The following RPS7 variants were observed in gnomAD, a reference collection of about 807,000 sequenced individuals.
RPS7 encodes the protein small ribosomal subunit protein eS7.
A neutral mutation model predicts 22.1 loss-of-function variants in RPS7; 1 was observed. The observed-to-expected ratio is 0.05, with a 90% CI of 0.02 to 0.21. The LOEUF is 0.21. Among genes scored for constraint, RPS7 ranks in the 10% least tolerant of loss-of-function variants. The pLI, the probability that RPS7 is intolerant of heterozygous loss-of-function variation, is 1.00. For missense variants in RPS7, 137 were observed against 246.4 expected, an observed-to-expected ratio of 0.56 and a Z score of 2.97; for synonymous variants, 80 against 92.0, an observed-to-expected ratio of 0.87 and a Z score of 0.74.
At chr2:3,580,496 C>G in intron 6 of RPS7, 1 of 644,484 alleles carries the variant, frequency 1.6e-6, no homozygotes, top group Non-Finnish European at 2.8e-6. Flanking sequence ...TTTCTGTGGT[C>G]TTTTAGTTAG....
At chr2:3,580,560 G>A (rs992264761) in intron 6 of RPS7, 1 of 622,688 alleles carries the variant, frequency 1.6e-6, no homozygotes, top group African/African-American at 1.8e-5. Context: ...AGTGTCTTGG[G>A]GGGACATAAC....
At chr2:3,579,958 G>A (rs1012723103) in intron 5 of RPS7, 152 bp from the exon 6 acceptor site, 8 of 768,500 alleles carry the variant, frequency 1.0e-5, no homozygotes, top group East Asian at 2.5e-5. Context: ...AGTTTGGTAC[G>A]TGAAATATAA....
At chr2:3,580,692 G>A in intron 6 of RPS7, 113 bp from the exon 7 acceptor site, 2 of 729,966 alleles carry the variant, frequency 2.7e-6, no homozygotes, top group Non-Finnish European at 2.5e-6. Context: ...CATGTTGTGT[G>A]TACTTAGTTG....
rs567720789 is a variant in RPS7 at position 3,576,498 on chromosome 2, T to C, written c.159T>C (p.Val53=). Reference sequence around the variant, plus strand: ...GTTTTTTTCTTTAGGAAATTGAAGTTGGTGGTGGTCGGAAAGCTATCATAA... The same window carrying C: ...GTTTTTTTCTTTAGGAAATTGAAGTCGGTGGTGGTCGGAAAGCTATCATAA... The part of the protein sequence containing the change: ...LNITAAKEIE[V]GGGRKAIIIF... Residue 53 remains valine (V), a synonymous_variant, in exon 4 of 7, where the codon GTT becomes GTC. Coordinates refer to ENST00000645674, the MANE Select transcript of RPS7 (RefSeq NM_001011.4). 1 of 1,613,864 alleles carries C rather than the reference T, an allele frequency of 6.2e-7. No individual in the cohort carries two copies. Among genetic ancestry groups the C allele is most frequent in the Non-Finnish European group, 8.5e-7 (1 of 1,179,708 alleles).
intron 2 of RPS7, 36 bp from the exon 3 acceptor site, chr2:3,575,781 C>G: frequency 1.2e-6 from 2 of 1,603,706 alleles, no homozygotes; most frequent in Non-Finnish European, 1.7e-6. Flanking sequence ...CTCGGACGCG[C>G]GCTCAGGGTC....
Position 3,575,592 on chromosome 2 carries a change from T to G in RPS7, c.-18T>G. 6.2e-7 allele frequency: 1 copy of G among 1,608,250 alleles called. No individual in the cohort carries two copies. The highest frequency in any genetic ancestry group is 8.5e-7 in the Non-Finnish European group (1 of 1,177,204). ...GTAACGCTGACCGCTGTGCCTTCAG[T>G]TCTCCCAGGAGAAAGCCATGTTCAG... is the stretch of plus-strand genomic sequence containing the variant. On this transcript the variant is annotated splice_region_variant and 5_prime_UTR_variant, in exon 2 of 7. Transcript: ENST00000645674.
chr2:3,576,409 T>G (rs1157642245), intron 3 of RPS7, 78 bp from the exon 4 acceptor site: 23 of 1,265,378 alleles, frequency 1.8e-5, no homozygotes, highest in Middle Eastern at 5.1e-4. Context: ...AGTGATAAGG[T>G]CTTCTTATCC....
chr2:3,579,782 A>G lies in RPS7; in HGVS notation c.357-328A>G, dbSNP rs190627902. The G allele has an allele frequency of 5.1e-5, 21 of 415,648 alleles. 1 individual carries two copies. The highest frequency in any genetic ancestry group is 4.4e-6 in the Non-Finnish European group (1 of 224,724). 25.7% of individuals were successfully genotyped at this position (415,648 alleles called of 1,614,324 possible). On this transcript the variant is annotated intron_variant, in intron 5 of 6. Transcript: ENST00000645674. ...AGTGATTTAGTTGAGAAATAATACA[A>G]GTGAAAATAAAGATGTATAAAAGTC...
intron 4 of RPS7, 117 bp downstream of exon 4, chr2:3,576,747 GT>G: frequency 7.9e-7 from 1 of 1,267,580 alleles, no homozygotes; most frequent in African/African-American, 1.5e-5. Context: ...ATCCAATTGG[GT>G]AGAAAGATAA....
At chr2:3,577,851 T>C in intron 5 of RPS7, 77 bp downstream of exon 5, 2 of 998,598 alleles carry the variant, frequency 2.0e-6, no homozygotes, top group Non-Finnish European at 3.2e-6. Context: ...TTGTAGTTTA[T>C]GAAAACAGAT....
chr2:3,576,635 C>T lies in RPS7; in HGVS notation c.291+5C>T. ...CATGTCGTCTTTATCGCTCAGGTAT[C>T]TGTTCTACTGTTGCAGCACGTTTCT... is the stretch of plus-strand genomic sequence containing the variant. On this transcript the variant is annotated splice_donor_5th_base_variant and intron_variant, in intron 4 of 6. Coordinates refer to ENST00000645674, the MANE Select transcript of RPS7 (RefSeq NM_001011.4). 6.2e-7 allele frequency: 1 copy of T among 1,614,166 alleles called. No individual in the cohort carries two copies. Among genetic ancestry groups the T allele is most frequent in the Non-Finnish European group, 8.5e-7 (1 of 1,180,010 alleles).
intron 4 of RPS7, chr2:3,576,967 G>T: frequency 3.0e-6 from 1 of 337,384 alleles, no homozygotes; most frequent in Non-Finnish European, 5.7e-6. Context: ...GCTGTGTTTT[G>T]AGTTATGAAA....
At chr2:3,580,079 A>G in intron 5 of RPS7, 31 bp from the exon 6 acceptor site, 2 of 1,612,812 alleles carry the variant, frequency 1.2e-6, no homozygotes, top group Non-Finnish European at 8.5e-7. Context: ...AGGCGTTGCT[A>G]GGTTGCTTAC....
chr2:3,578,736 G>C (rs1337878393), intron 5 of RPS7: 1 of 152,150 alleles, frequency 6.6e-6, no homozygotes, highest in Non-Finnish European at 1.5e-5. Flanking sequence ...CACTTAAAGA[G>C]GGTTTTGGAA....
rs1241543942 is a variant in RPS7, at chr2:3,580,208, G to C, written c.455G>C (p.Arg152Pro). Residue 152 changes from arginine (R) to proline (P), a missense_variant, in exon 6 of 7, where the codon CGG becomes CCG. Physicochemically the swap from Arg to Pro is moderately radical, Grantham distance 103. Transcript: ENST00000645674. ...ATCCGCGTCAAACTAGATGGCAGCCGGCTCATAAAGGTTCATTTGGACAAA... is the reference window on the plus strand; with the variant it reads ...ATCCGCGTCAAACTAGATGGCAGCCCGCTCATAAAGGTTCATTTGGACAAA... ...KRIRVKLDGS[R>P]LIKVHLDKAQ... 17 of 1,613,452 alleles carry C rather than the reference G, an allele frequency of 1.1e-5. No homozygotes were observed. Among genetic ancestry groups the C allele is most frequent in the Non-Finnish European group, 1.4e-5 (17 of 1,179,770 alleles).
chr2:3,575,518 G>C (rs952783928), intron 1 of RPS7, 74 bp from the exon 2 acceptor site: 8 of 1,018,876 alleles, frequency 7.9e-6, no homozygotes. Context: ...GGCCTGGCCG[G>C]GGGGTGCGGG....
Position 3,575,686 on chromosome 2 carries a change from TGA to T in RPS7, c.75+6_75+7del. ...GAGTTCGAGTCCGGCATCTCCCAGGTGAGAGGGTTTCCCTGGGGTCTGGGGTG... is the reference window on the plus strand; with the variant it reads ...GAGTTCGAGTCCGGCATCTCCCAGGTGAGGGTTTCCCTGGGGTCTGGGGTG... On this transcript the variant is annotated splice_donor_region_variant and intron_variant, in intron 2 of 6. Transcript: ENST00000645674. The T allele has an allele frequency of 3.1e-6, 5 of 1,609,230 alleles. No individual in the cohort carries two copies. The South Asian group carries it at 5.5e-5, about 18-fold the overall frequency.
Position 3,576,600 on chromosome 2 carries a change from C to G in RPS7, c.261C>G (p.Phe87Leu), listed in dbSNP as rs760461885. The G allele has an allele frequency of 6.2e-7, 1 of 1,614,154 alleles. No homozygotes were observed. Among genetic ancestry groups the G allele is most frequent in the Non-Finnish European group, 8.5e-7 (1 of 1,180,010 alleles). ...VRLVRELEKK[F>L]SGKHVVFIAQ... ...TAGTACGCGAATTGGAGAAAAAGTT[C>G]AGTGGGAAGCATGTCGTCTTTATCG... The change falls in exon 4 of 7, where the codon TTC becomes TTG. Residue 87 changes from phenylalanine (F) to leucine (L), a missense_variant. Physicochemically the swap from Phe to Leu is conservative, Grantham distance 22. This residue lies in a region of RPS7 where 74 missense variants were observed against 171.4 expected (regional missense o/e 0.43). Transcript: ENST00000645674.
chr2:3,576,973 T>G, intron 4 of RPS7: 1 of 331,066 alleles, frequency 3.0e-6, no homozygotes, highest in South Asian at 2.7e-5. Context: ...TTTTGAGTTA[T>G]GAAAATGATT....
Sources: gnomAD v4.1 joint callset for allele counts on GRCh38, gnomAD v4.1.1 for gene constraint, gnomAD v4.1.1 regional missense constraint, MANE v1.5 for transcripts, NCBI Gene and HGNC (gene_info 2026-07-23, HGNC 2026-07-21) for gene names.